Variants in PICALM observed in about 807,000 individuals in gnomAD.
PICALM encodes phosphatidylinositol-binding clathrin assembly protein.
A neutral mutation model predicts 80.5 loss-of-function variants in PICALM; 40 were observed. That is an observed-to-expected ratio of 0.50 (90% CI 0.39 to 0.65). The LOEUF (loss-of-function observed/expected upper bound fraction) is 0.65, where lower values mean the gene tolerates loss of function less well. PICALM is among the 30% of genes least tolerant of loss of function. The pLI is 0.00. For synonymous variants in PICALM, 288 were observed against 260.3 expected (o/e 1.11, Z -1.02); for missense variants, 676 against 778.9 (o/e 0.87, Z 1.57).
Position 85,957,942 on chromosome 11 carries a change from A to G in PICALM, c.*1104T>C. 4.5e-6 allele frequency: 1 copy of G among 224,118 alleles called. No individual in the cohort carries two copies. Among genetic ancestry groups the G allele is most frequent in the Non-Finnish European group, 8.9e-6 (1 of 112,120 alleles). The allele number at this position is 224,118 out of a possible 1,614,324, so 13.9% of individuals were successfully genotyped here. ...AACTCTTGGCTAGACATTAACTTTA[A>G]AGATACTATTTCCCCTTATTTAAAA... On this transcript the variant is annotated 3_prime_UTR_variant, in exon 20 of 20. Coordinates refer to ENST00000393346, the MANE Select transcript of PICALM (RefSeq NM_007166.4).
In PICALM at chr11:86,050,582, A is replaced by G. The variant is rs150241719; in HGVS notation, c.130+18069T>C. 1.5e-4 allele frequency among the ~76,000 whole-genome samples: 23 copies of G among 151,946 alleles called. No individual in the cohort carries two copies. In the East Asian group the frequency reaches 4.4e-3, roughly 29 times the overall value. ...TTAAATTAAGGATCCTGGCAACAAT[A>G]ATAATGTTTACATTTCTGTGTTTCT... On this transcript the variant is annotated intron_variant, in intron 1 of 19. Coordinates refer to ENST00000393346, the MANE Select transcript of PICALM (RefSeq NM_007166.4).
chr11:85,972,020 TG>T (rs1209332068), intron 19 of PICALM, among the ~76,000 whole-genome samples: 1 of 152,018 alleles, frequency 6.6e-6, no homozygotes, highest in Non-Finnish European at 1.5e-5. Flanking sequence ...CGACCTCAGG[TG>T]ATCTACTCAC....
chr11:85,984,773 A>G (rs753166845), intron 13 of PICALM, among the ~76,000 whole-genome samples: 2 of 152,192 alleles, frequency 1.3e-5, no homozygotes, highest in Non-Finnish European at 2.9e-5. Flanking sequence ...CATCTTTAAG[A>G]TCAGCCTATA....
chr11:85,967,966 C>T (rs1392122686), intron 19 of PICALM, among the ~76,000 whole-genome samples: 1 of 152,062 alleles, frequency 6.6e-6, no homozygotes, highest in East Asian at 1.9e-4. Flanking sequence ...AGCCATTTTG[C>T]ATCTTTAACC....
rs547906131 is a variant in PICALM, at chr11:86,055,352, G to T, written c.130+13299C>A. On this transcript the variant is annotated intron_variant, in intron 1 of 19. Coordinates refer to ENST00000393346, the MANE Select transcript of PICALM (RefSeq NM_007166.4). ...CAAAAAAAAAAAAAAAGATACCATG[G>T]AAACATACAATGACACTATTATTTG... 8.3e-4 allele frequency among the ~76,000 whole-genome samples: 126 copies of T among 151,716 alleles called. No homozygotes were observed. In the South Asian group the frequency reaches 9.4e-3, roughly 11 times the overall value.
intron 17 of PICALM, chr11:85,978,160 C>A: frequency 7.6e-7 from 1 of 1,307,812 alleles, no homozygotes; most frequent in Non-Finnish European, 1.1e-6. Flanking sequence ...ACTTACACAA[C>A]AGAAAATACA....
chr11:86,001,171 A>C lies in PICALM; in HGVS notation c.894-13T>G, dbSNP rs2095132077. The C allele has an allele frequency of 1.9e-6, 3 of 1,611,256 alleles. No individual in the cohort carries two copies. Among genetic ancestry groups the C allele is most frequent in the Non-Finnish European group, 2.5e-6 (3 of 1,178,908 alleles). ...AAGTGTAGTTGCCCTAGGATAATTG[A>C]ACAGAGATAATTTGGCTTTTTGCTA... is the stretch of plus-strand genomic sequence containing the variant. On this transcript the variant is annotated splice_polypyrimidine_tract_variant and intron_variant, in intron 9 of 19. Transcript: ENST00000393346.
intron 16 of PICALM, 100 bp from the exon 17 acceptor site, chr11:85,981,328 G>A (rs1268594290): frequency 1.2e-4 from 85 of 709,786 alleles, no homozygotes; most frequent in Non-Finnish European, 1.8e-4. Flanking sequence ...ACTTGAGGCT[G>A]GGCGTGGTGG....
chr11:86,041,860 G>A (rs893198453), intron 1 of PICALM, among the ~76,000 whole-genome samples: 3 of 152,136 alleles, frequency 2.0e-5, no homozygotes, highest in Non-Finnish European at 2.9e-5. Flanking sequence ...AAAGTGGAAA[G>A]TTTAAGTCAT....
chr11:86,062,453 G>C (rs1227608655), intron 1 of PICALM, among the ~76,000 whole-genome samples: 1 of 151,962 alleles, frequency 6.6e-6, no homozygotes, highest in African/African-American at 2.4e-5. Flanking sequence ...AGGAGGCAAA[G>C]GTTGCAGTTA....
intron 19 of PICALM, among the ~76,000 whole-genome samples, chr11:85,969,874 GTCT>G (rs1447681363): frequency 1.3e-5 from 2 of 152,076 alleles, no homozygotes; most frequent in African/African-American, 4.8e-5. Flanking sequence ...AAATAAAGCT[GTCT>G]TCATTCCTCA....
At chr11:85,981,690 T>C in intron 16 of PICALM, 55 bp downstream of exon 16, 1 of 1,338,254 alleles carries the variant, frequency 7.5e-7, no homozygotes, top group South Asian at 1.2e-5. Context: ...AAATAACACA[T>C]GGAGAAAACA....
At chr11:86,014,233 T>C (rs2095444124) in intron 5 of PICALM, among the ~76,000 whole-genome samples, 1 of 152,184 alleles carries the variant, frequency 6.6e-6, no homozygotes, top group South Asian at 2.1e-4. Flanking sequence ...ACTGTCACAG[T>C]TCCATTCACT....
chr11:86,006,327 A>G (rs1254181637), intron 8 of PICALM, among the ~76,000 whole-genome samples: 3 of 152,146 alleles, frequency 2.0e-5, no homozygotes, highest in Admixed American at 6.5e-5. Flanking sequence ...GAGAAACTCA[A>G]TAATAACTGT....
In PICALM at chr11:86,046,747, T is replaced by C. The variant is rs1049193558; in HGVS notation, c.131-15136A>G. ...TTTCTTAATAAAGACAGGGTCTTACTCTGTCACCCAGACTGGAGTAGCTGG... is the reference window on the plus strand; with the variant it reads ...TTTCTTAATAAAGACAGGGTCTTACCCTGTCACCCAGACTGGAGTAGCTGG... On this transcript the variant is annotated intron_variant, in intron 1 of 19. Coordinates refer to ENST00000393346, the MANE Select transcript of PICALM (RefSeq NM_007166.4). Among the ~76,000 whole-genome samples, 5 of 152,332 alleles carry C rather than the reference T, an allele frequency of 3.3e-5. No individual in the cohort carries two copies. The East Asian group carries it at 9.7e-4, about 29-fold the overall frequency.
intron 7 of PICALM, among the ~76,000 whole-genome samples, chr11:86,009,355 A>G (rs1463626253): frequency 1.3e-5 from 2 of 151,560 alleles, no homozygotes; most frequent in African/African-American, 2.4e-5. Context: ...ATTGCACCTA[A>G]GAATAAGTTA....
chr11:86,008,868 G>A (rs1175234597), intron 7 of PICALM, among the ~76,000 whole-genome samples: 2 of 148,938 alleles, frequency 1.3e-5, no homozygotes, highest in Non-Finnish European at 3.0e-5. Context: ...AGAGGCGGGA[G>A]GATAGCTTGA....
chr11:85,982,652 C>A (rs1438407857), intron 14 of PICALM, among the ~76,000 whole-genome samples: 1 of 149,208 alleles, frequency 6.7e-6, no homozygotes, highest in African/African-American at 2.5e-5. Context: ...TGGTCTCGAT[C>A]TCCTGACCTC....
At chr11:86,037,781 C>T (rs1397070099) in intron 1 of PICALM, among the ~76,000 whole-genome samples, 1 of 151,766 alleles carries the variant, frequency 6.6e-6, no homozygotes, top group Non-Finnish European at 1.5e-5. Flanking sequence ...CACAATCGAA[C>T]ACTTCCAAAA....
Sources: gnomAD v4.1 joint callset for allele counts (sites outside exome capture counted in the v4.1 genomes callset) on GRCh38, gnomAD v4.1.1 for gene constraint, MANE v1.5 for transcripts, NCBI Gene and HGNC (gene_info 2026-07-23, HGNC 2026-07-21) for gene names.